PRKG1: variants seen among roughly 807,000 people sequenced by gnomAD.
PRKG1 encodes the protein protein kinase cGMP-dependent 1.
A neutral mutation model predicts 88.1 loss-of-function variants in PRKG1; 35 were observed. The ratio of observed to expected loss-of-function variants is 0.40; its 90% CI spans 0.30 to 0.53. The LOEUF (loss-of-function observed/expected upper bound fraction) is 0.53, where lower values mean the gene tolerates loss of function less well. PRKG1 is among the 20% of genes least tolerant of loss of function. The pLI is 0.59. For missense variants in PRKG1, 540 were observed against 839.8 expected, an observed-to-expected ratio of 0.64 and a Z score of 4.41; for synonymous variants, 303 against 292.5, an observed-to-expected ratio of 1.04 and a Z score of -0.37.
At chr10:51,271,664 G>A (rs1839983299) in intron 2 of PRKG1, among the ~76,000 whole-genome samples, 1 of 152,116 alleles carries the variant, frequency 6.6e-6, no homozygotes, top group African/African-American at 2.4e-5. Flanking sequence ...GTGTTCTTCT[G>A]CATACTTCCT....
chr10:51,628,156 CTTTCTTTATTT>C (rs900237158), intron 3 of PRKG1, among the ~76,000 whole-genome samples: 1 of 59,630 alleles, frequency 1.7e-5, no homozygotes, highest in African/African-American at 6.0e-5. Flanking sequence ...TTCTTTCTTT[CTTTCTTTATTT>C]ATTTCTTTTC....
intron 2 of PRKG1, among the ~76,000 whole-genome samples, chr10:51,199,488 T>C (rs1837856370): frequency 6.6e-6 from 1 of 152,064 alleles, no homozygotes; most frequent in African/African-American, 2.4e-5. Flanking sequence ...CATGTATGAG[T>C]GTGGCCGATT....
intron 3 of PRKG1, among the ~76,000 whole-genome samples, chr10:51,648,296 A>G (rs1052980395): frequency 2.6e-5 from 4 of 152,210 alleles, no homozygotes; most frequent in Non-Finnish European, 4.4e-5. Flanking sequence ...TATCCAAAGT[A>G]AACTTCAAAG....
intron 4 of PRKG1, among the ~76,000 whole-genome samples, chr10:51,822,329 A>C (rs79492015): frequency 0.018 from 2,792 of 152,164 alleles, 71 homozygotes; most frequent in East Asian, 0.11. Flanking sequence ...CAGAAAGATA[A>C]ATACTGCATA....
chr10:51,099,171 C>A (rs893405924), intron 1 of PRKG1, among the ~76,000 whole-genome samples: 29 of 151,812 alleles, frequency 1.9e-4, no homozygotes, highest in African/African-American at 6.8e-4. Context: ...CTAAAGGAGC[C>A]CTTCTCTGAG....
At chr10:51,278,934 T>A (rs181839740) in intron 2 of PRKG1, among the ~76,000 whole-genome samples, 1 of 152,236 alleles carries the variant, frequency 6.6e-6, no homozygotes, top group East Asian at 1.9e-4. Flanking sequence ...TTTTGAAGGG[T>A]TTTTTGTGTC....
chr10:52,220,409 T>A (rs1840213982), intron 9 of PRKG1, among the ~76,000 whole-genome samples: 1 of 147,908 alleles, frequency 6.8e-6, no homozygotes, highest in Non-Finnish European at 1.5e-5. Context: ...AGAGATGACA[T>A]CTTTTATATA....
chr10:51,267,089 G>T (rs1469275411), intron 2 of PRKG1, among the ~76,000 whole-genome samples: 1 of 152,110 alleles, frequency 6.6e-6, no homozygotes, highest in African/African-American at 2.4e-5. Context: ...TAGCTCTGTT[G>T]CTGCCGACAT....
At chr10:51,709,009 T>A (rs1841677814) in intron 3 of PRKG1, among the ~76,000 whole-genome samples, 1 of 152,220 alleles carries the variant, frequency 6.6e-6, no homozygotes, top group African/African-American at 2.4e-5. Context: ...AAGGGCTGTT[T>A]TGAGCTAGAC....
intron 4 of PRKG1, among the ~76,000 whole-genome samples, chr10:51,889,436 C>T (rs1337945383): frequency 5.3e-5 from 8 of 152,114 alleles, no homozygotes; most frequent in Admixed American, 5.2e-4. Context: ...ATATGTGCCA[C>T]ATTTTCTTAA....
chr10:51,286,053 C>T (rs936924950), intron 2 of PRKG1, among the ~76,000 whole-genome samples: 1 of 152,156 alleles, frequency 6.6e-6, no homozygotes, highest in African/African-American at 2.4e-5. Context: ...TCACTGCAAC[C>T]TCTGCCTCCC....
At chr10:52,181,419 CTTTTTTTTT>C (rs761799361) in intron 9 of PRKG1, among the ~76,000 whole-genome samples, 3 of 55,068 alleles carry the variant, frequency 5.4e-5, no homozygotes, top group Non-Finnish European at 1.1e-4. Context: ...CACAGCTCTT[CTTTTTTTTT>C]TTTTTTTTTT....
intron 9 of PRKG1, among the ~76,000 whole-genome samples, chr10:52,248,255 G>T (rs1841077608): frequency 6.6e-6 from 1 of 152,210 alleles, no homozygotes; most frequent in Admixed American, 6.5e-5. Context: ...TTTATGGCCA[G>T]TCTTCGGGCC....
At chr10:52,139,588 C>T (rs1837520424) in intron 8 of PRKG1, among the ~76,000 whole-genome samples, 2 of 152,078 alleles carry the variant, frequency 1.3e-5, no homozygotes, top group South Asian at 2.1e-4. Flanking sequence ...CATGCAGGAA[C>T]CTGCATGGCC....
intron 7 of PRKG1, among the ~76,000 whole-genome samples, chr10:52,117,565 A>G (rs1270515839): frequency 2.0e-5 from 3 of 152,156 alleles, no homozygotes; most frequent in Non-Finnish European, 4.4e-5. Flanking sequence ...AGAAAGAGTA[A>G]GACCTCAGCA....
chr10:51,432,279 C>T (rs1313191948), intron 2 of PRKG1, among the ~76,000 whole-genome samples: 6 of 152,098 alleles, frequency 3.9e-5, no homozygotes, highest in African/African-American at 1.4e-4. Flanking sequence ...GTACATTATA[C>T]ATGCAATTCA....
At chr10:51,532,307 A>G (rs1339974461) in intron 3 of PRKG1, among the ~76,000 whole-genome samples, 1 of 152,212 alleles carries the variant, frequency 6.6e-6, no homozygotes, top group Non-Finnish European at 1.5e-5. Flanking sequence ...ACTACTTGTT[A>G]TGAATCTGCA....
rs76218389 is a variant in PRKG1 at position 51,569,776 on chromosome 10, T to G, written c.592+101940T>G. 4.9e-3 allele frequency among the ~76,000 whole-genome samples: 744 copies of G among 152,124 alleles called. 8 individuals carry two copies. Among genetic ancestry groups the G allele is most frequent in the African/African-American group, 0.017 (700 of 41,528 alleles). On this transcript the variant is annotated intron_variant, in intron 3 of 17. Transcript: ENST00000373980. ...CATTCTCTGCATTTGTTTCTTTAACTATTAATTTATTTAAAACGTATGCCT... is the reference window on the plus strand; with the variant it reads ...CATTCTCTGCATTTGTTTCTTTAACGATTAATTTATTTAAAACGTATGCCT...
At chr10:51,889,767 G>A (rs367630663) in intron 4 of PRKG1, among the ~76,000 whole-genome samples, 2 of 152,256 alleles carry the variant, frequency 1.3e-5, no homozygotes, top group South Asian at 2.1e-4. Flanking sequence ...GTATGAGATG[G>A]TATCTCATTG....
Sources: gnomAD v4.1 joint callset for allele counts (sites outside exome capture counted in the v4.1 genomes callset) on GRCh38, gnomAD v4.1.1 for gene constraint, MANE v1.5 for transcripts, NCBI Gene and HGNC (gene_info 2026-07-23, HGNC 2026-07-21) for gene names.